Variants in ZBTB34 observed in about 807,000 individuals in gnomAD.
The protein encoded by ZBTB34 is zinc finger and BTB domain-containing protein 34.
A neutral mutation model predicts 33.4 loss-of-function variants in ZBTB34; 1 was observed. The ratio of observed to expected loss-of-function variants is 0.03; its 90% CI spans 0.01 to 0.14. The LOEUF is 0.14. Ranked by LOEUF, ZBTB34 falls within the 10% of genes least tolerant of loss-of-function variation. ZBTB34 has a pLI of 1.00. For missense variants in ZBTB34, 406 were observed against 657.2 expected, an observed-to-expected ratio of 0.62 and a Z score of 4.18; for synonymous variants, 283 against 253.5, an observed-to-expected ratio of 1.12 and a Z score of -1.11.
intron 1 of ZBTB34, among the ~76,000 whole-genome samples, chr9:126,876,014 A>G (rs551537305): frequency 3.9e-5 from 6 of 151,962 alleles, no homozygotes; most frequent in Non-Finnish European, 7.4e-5. Flanking sequence ...TCTTGTCCGC[A>G]GGACTTTTCT....
intron 1 of ZBTB34, among the ~76,000 whole-genome samples, chr9:126,869,925 A>G (rs1564221734): frequency 7.2e-5 from 11 of 152,236 alleles, no homozygotes. Context: ...GTATTTTTTA[A>G]AAGAAGTATC....
At chr9:126,865,494 G>A (rs1052997396) in intron 1 of ZBTB34, among the ~76,000 whole-genome samples, 1 of 152,202 alleles carries the variant, frequency 6.6e-6, no homozygotes, top group Non-Finnish European at 1.5e-5. Context: ...ACAGTTCCAA[G>A]GCTTTATCCA....
chr9:126,866,362 A>C (rs1199321939), intron 1 of ZBTB34, among the ~76,000 whole-genome samples: 1 of 152,138 alleles, frequency 6.6e-6, no homozygotes, highest in Non-Finnish European at 1.5e-5. Flanking sequence ...GAGTTCTCTG[A>C]GTATTCAAGG....
rs569243891 is a variant in ZBTB34, at chr9:126,881,867, C to G, written c.*953C>G. On this transcript the variant is annotated 3_prime_UTR_variant, in exon 2 of 2. Transcript: ENST00000319119. ...CATACCAGGTAACTAAATCGAATCA[C>G]TCTCTATCATGAGTTAGTACTCACT... The G allele has an allele frequency of 8.4e-5, 14 of 166,956 alleles. No homozygotes were observed. In the East Asian group the frequency reaches 2.7e-3, roughly 32 times the overall value. 10.3% of individuals were successfully genotyped at this position (166,956 alleles called of 1,614,324 possible). A position where few individuals can be genotyped will look rare whatever the true frequency, so the allele number is the denominator to read the frequency against.
At chr9:126,874,176 G>A (rs1358563814) in intron 1 of ZBTB34, among the ~76,000 whole-genome samples, 7 of 150,384 alleles carry the variant, frequency 4.7e-5, no homozygotes, top group African/African-American at 1.5e-4. Flanking sequence ...CGAGTAGCTG[G>A]GACTACAGGC....
chr9:126,879,295 A>C lies in ZBTB34; in HGVS notation c.-10-95A>C. The C allele has an allele frequency of 9.8e-7, 1 of 1,020,092 alleles. No individual in the cohort carries two copies. The highest frequency in any genetic ancestry group is 1.4e-6 in the Non-Finnish European group (1 of 696,928). 63.2% of individuals were successfully genotyped at this position (1,020,092 alleles called of 1,614,324 possible). A position where few individuals can be genotyped will look rare whatever the true frequency, so the allele number is the denominator to read the frequency against. ...TCAGGTAGATTTTAGGAGGTATGAT[A>C]GCCACAATGGTATTGTTGTTGTAAG... On this transcript the variant is annotated intron_variant, in intron 1 of 1. Transcript: ENST00000319119. The surrounding 1 kb of genome is among the most constrained non-coding windows in gnomAD (Gnocchi z 6.4).
At chr9:126,875,558 A>G (rs2033344702) in intron 1 of ZBTB34, among the ~76,000 whole-genome samples, 1 of 151,852 alleles carries the variant, frequency 6.6e-6, no homozygotes, top group African/African-American at 2.4e-5. Context: ...TTTTTTGCTT[A>G]TCTTCCCCCA....
chr9:126,874,828 T>A (rs1432811629), intron 1 of ZBTB34, among the ~76,000 whole-genome samples: 1 of 152,200 alleles, frequency 6.6e-6, no homozygotes, highest in Admixed American at 6.5e-5. Flanking sequence ...GTCCTTTAGT[T>A]CTTATTTAAA....
chr9:126,878,193 G>T (rs375500389), intron 1 of ZBTB34, among the ~76,000 whole-genome samples: 1 of 151,218 alleles, frequency 6.6e-6, no homozygotes, highest in Non-Finnish European at 1.5e-5. Context: ...ATAATAGGCC[G>T]GTGTGGTGAC....
intron 1 of ZBTB34, among the ~76,000 whole-genome samples, chr9:126,861,312 A>G (rs763283637): frequency 1.3e-5 from 2 of 152,034 alleles, no homozygotes; most frequent in Non-Finnish European, 2.9e-5. Context: ...TGGTCCTGCC[A>G]TTGCGGAGGG....
intron 1 of ZBTB34, among the ~76,000 whole-genome samples, chr9:126,871,914 G>A (rs1457532122): frequency 1.3e-5 from 2 of 151,906 alleles, no homozygotes; most frequent in South Asian, 2.1e-4. Context: ...CCAAGAATTC[G>A]AGACCAGCCT....
chr9:126,877,836 C>G (rs1187205713), intron 1 of ZBTB34, among the ~76,000 whole-genome samples: 1 of 151,730 alleles, frequency 6.6e-6, no homozygotes, highest in Non-Finnish European at 1.5e-5. Context: ...GAAACCCCAT[C>G]TCTACTGAAA....
intron 1 of ZBTB34, among the ~76,000 whole-genome samples, chr9:126,878,960 G>A (rs1353318432): frequency 2.6e-5 from 4 of 152,106 alleles, no homozygotes; most frequent in Non-Finnish European, 4.4e-5. Flanking sequence ...CTGACCTCAA[G>A]TGATCCGCCT....
chr9:126,879,335 A>G lies in ZBTB34; in HGVS notation c.-10-55A>G, dbSNP rs915787518. The G allele has an allele frequency of 4.2e-6, 6 of 1,440,196 alleles. No individual in the cohort carries two copies. Among genetic ancestry groups the G allele is most frequent in the Non-Finnish European group, 5.7e-6 (6 of 1,053,682 alleles). The allele number at this position is 1,440,196 out of a possible 1,614,324, so 89.2% of individuals were successfully genotyped here. Reference sequence around the variant, plus strand: ...GTTGTTGTAAGCTTGTGTTTATGCCACTTGTACTTAGTGAGGAGTCATTGG... The same window carrying G: ...GTTGTTGTAAGCTTGTGTTTATGCCGCTTGTACTTAGTGAGGAGTCATTGG... On this transcript the variant is annotated intron_variant, in intron 1 of 1. Transcript: ENST00000319119. The surrounding 1 kb of genome is among the most constrained non-coding windows in gnomAD (Gnocchi z 6.4).
At chr9:126,884,483 A>G (rs1306323977) in exon 2 of ZBTB34, 2 of 166,618 alleles carry the variant, frequency 1.2e-5, no homozygotes, top group Non-Finnish European at 2.9e-5. Context: ...GTTTTAGTTT[A>G]GTTTTTTTTT....
intron 1 of ZBTB34, among the ~76,000 whole-genome samples, chr9:126,869,520 G>C (rs1357765485): frequency 6.6e-6 from 1 of 152,158 alleles, no homozygotes; most frequent in Non-Finnish European, 1.5e-5. Flanking sequence ...CTGCCAAGTA[G>C]AGGGGGAGGC....
At chr9:126,873,453 A>G (rs1411575903) in intron 1 of ZBTB34, among the ~76,000 whole-genome samples, 2 of 151,950 alleles carry the variant, frequency 1.3e-5, no homozygotes, top group Non-Finnish European at 2.9e-5. Context: ...TAGTAGAGAC[A>G]GGGTTTCACC....
At chr9:126,877,014 C>T (rs1337609304) in intron 1 of ZBTB34, among the ~76,000 whole-genome samples, 1 of 152,150 alleles carries the variant, frequency 6.6e-6, no homozygotes, top group Non-Finnish European at 1.5e-5. Flanking sequence ...TGATTATGTG[C>T]TGTTTTTCTG....
At chr9:126,876,282 A>G (rs2033362768) in intron 1 of ZBTB34, among the ~76,000 whole-genome samples, 2 of 101,932 alleles carry the variant, frequency 2.0e-5, no homozygotes, top group Non-Finnish European at 3.9e-5. Context: ...TTTCCTTTTT[A>G]AGGATGATGT....
Sources: gnomAD v4.1 joint callset for allele counts (sites outside exome capture counted in the v4.1 genomes callset) on GRCh38, gnomAD v4.1.1 for gene constraint, Gnocchi (gnomAD v3.1) non-coding constraint, MANE v1.5 for transcripts, NCBI Gene and HGNC (gene_info 2026-07-23, HGNC 2026-07-21) for gene names.